The following TRHDE variants were observed in gnomAD, a reference collection of about 807,000 sequenced individuals.
The protein encoded by TRHDE is thyrotropin releasing hormone degrading enzyme, also known as thyrotropin-releasing hormone-degrading ectoenzyme.
In TRHDE, 72 loss-of-function variants were observed where a neutral mutation model predicts 125.7. That is an observed-to-expected ratio of 0.57 (90% CI 0.47 to 0.70). The LOEUF (loss-of-function observed/expected upper bound fraction) is 0.70. Among genes scored for constraint, TRHDE ranks in the 30% least tolerant of loss-of-function variants. TRHDE has a pLI of 0.00. For missense variants in TRHDE, 1,110 were observed against 1,327.1 expected, an observed-to-expected ratio of 0.84 and a Z score of 2.54; for synonymous variants, 509 against 509.1, an observed-to-expected ratio of 1.00 and a Z score of 0.00.
intron 5 of TRHDE, among the ~76,000 whole-genome samples, chr12:72,488,014 A>T (rs1654083894): frequency 7.1e-6 from 1 of 140,580 alleles, no homozygotes; most frequent in African/African-American, 3.2e-5. Context: ...AAAATTCAAC[A>T]GATACACAAG....
intron 7 of TRHDE, among the ~76,000 whole-genome samples, chr12:72,551,975 G>C (rs147813218): frequency 6.6e-6 from 1 of 152,198 alleles, no homozygotes; most frequent in African/African-American, 2.4e-5. Flanking sequence ...AAAGGGTTAA[G>C]ACAAGAACTG....
At chr12:72,275,611 C>G (rs1384951875) in intron 1 of TRHDE, among the ~76,000 whole-genome samples, 1 of 152,316 alleles carries the variant, frequency 6.6e-6, no homozygotes, top group Non-Finnish European at 1.5e-5. Context: ...ATTACTGATA[C>G]ATCTTGCTGC....
At chr12:72,632,960 T>G (rs1455899975) in intron 15 of TRHDE, among the ~76,000 whole-genome samples, 3 of 152,052 alleles carry the variant, frequency 2.0e-5, no homozygotes, top group African/African-American at 7.2e-5. Context: ...TATGTTTTTG[T>G]GCTTTGGCAA....
At chr12:72,614,330 A>ATATATATATATT (rs531067163) in intron 12 of TRHDE, among the ~76,000 whole-genome samples, 15,663 of 129,264 alleles carry the variant, frequency 0.12, 1,225 homozygotes, top group East Asian at 0.29. Flanking sequence ...ATATATATAT[A>ATATATATATATT]TTTTTTTTTT....
At chr12:72,634,652 TC>T (rs1386913604) in intron 15 of TRHDE, among the ~76,000 whole-genome samples, 4 of 51,118 alleles carry the variant, frequency 7.8e-5, no homozygotes, top group Non-Finnish European at 1.2e-4. Flanking sequence ...CCCTCCCCCC[TC>T]CCCCCAACCC....
intron 2 of TRHDE, among the ~76,000 whole-genome samples, chr12:72,367,316 G>A (rs1021552576): frequency 3.9e-4 from 59 of 151,902 alleles, no homozygotes; most frequent in African/African-American, 1.4e-3. Context: ...ATGTCACTCT[G>A]CCTCAAACTC....
chr12:72,335,238 G>A (rs570887213), intron 2 of TRHDE, among the ~76,000 whole-genome samples: 1 of 152,228 alleles, frequency 6.6e-6, no homozygotes, highest in East Asian at 1.9e-4. Flanking sequence ...GCTCTTGGGG[G>A]TAAATTCTAG....
At chr12:72,517,661 T>C (rs1397640804) in intron 6 of TRHDE, among the ~76,000 whole-genome samples, 1 of 152,016 alleles carries the variant, frequency 6.6e-6, no homozygotes, top group Non-Finnish European at 1.5e-5. Flanking sequence ...CTGCTCTGAT[T>C]TTAGTTATTT....
chr12:72,234,383 G>C (rs1047517418), intron 2 of TRHDE, among the ~76,000 whole-genome samples: 1 of 152,026 alleles, frequency 6.6e-6, no homozygotes, highest in African/African-American at 2.4e-5. Context: ...TCTCAGTCAA[G>C]CAGGGAAATT....
At chr12:72,300,251 A>G (rs1054887905) in intron 2 of TRHDE, among the ~76,000 whole-genome samples, 2 of 151,902 alleles carry the variant, frequency 1.3e-5, no homozygotes, top group Non-Finnish European at 2.9e-5. Flanking sequence ...GTGCTAATAT[A>G]TTTATGTTGT....
chr12:72,533,903 G>T (rs73348403), intron 6 of TRHDE, among the ~76,000 whole-genome samples: 1 of 150,954 alleles, frequency 6.6e-6, no homozygotes, highest in African/African-American at 2.4e-5. Context: ...ATACTTTTTG[G>T]TCTCATATTA....
At position 72,597,740 on chromosome 12, in the gene TRHDE, T is replaced by C. The variant is rs1242281586; in HGVS notation, c.2322-21151T>C. On this transcript the variant is annotated intron_variant, in intron 12 of 18. Coordinates refer to ENST00000261180, the MANE Select transcript of TRHDE (RefSeq NM_013381.3). ...ATATATATATATATATATATATATA[T>C]ATATATATATATATATATGCATACA... Among the ~76,000 whole-genome samples the C allele has an allele frequency of 5.3e-3, 44 of 8,366 alleles. 1 individual carries two copies. The highest frequency in any genetic ancestry group is 0.03 in the Admixed American group (14 of 474). The allele number at this position is 8,366 out of a possible 152,430, so 5.5% of individuals were successfully genotyped here. A position where few individuals can be genotyped will look rare whatever the true frequency, so the allele number is the denominator to read the frequency against.
chr12:72,184,290 A>G (rs1183434626), intron 2 of TRHDE, among the ~76,000 whole-genome samples: 1 of 152,054 alleles, frequency 6.6e-6, no homozygotes, highest in Non-Finnish European at 1.5e-5. Context: ...TTTTCTTGCA[A>G]TCCATTGGTG....
chr12:72,581,465 C>A (rs1032662471), intron 12 of TRHDE, among the ~76,000 whole-genome samples: 1 of 152,148 alleles, frequency 6.6e-6, no homozygotes, highest in Non-Finnish European at 1.5e-5. Context: ...TCATCATCAT[C>A]ATAAATATCA....
chr12:72,174,205 G>T (rs1876939654), intron 2 of TRHDE, among the ~76,000 whole-genome samples: 1 of 152,082 alleles, frequency 6.6e-6, no homozygotes, highest in African/African-American at 2.4e-5. Context: ...CATCCTCTTT[G>T]TCAACATCAA....
rs546086970 is a variant in TRHDE at position 72,274,101 on chromosome 12, C to T, written c.914+544C>T. Reference sequence around the variant, plus strand: ...GATGGGCTTTGGCTGCGTCAAGTTTCCCCAAACTTCAAGTTGAGATTCGGA... The same window carrying T: ...GATGGGCTTTGGCTGCGTCAAGTTTTCCCAAACTTCAAGTTGAGATTCGGA... On this transcript the variant is annotated intron_variant, in intron 1 of 18. Coordinates refer to ENST00000261180, the MANE Select transcript of TRHDE (RefSeq NM_013381.3). Among the ~76,000 whole-genome samples, 3 of 152,284 alleles carry T rather than the reference C, an allele frequency of 2.0e-5. No homozygotes were observed. The East Asian group carries it at 5.8e-4, about 29-fold the overall frequency.
chr12:72,287,769 T>C (rs1198265675), intron 2 of TRHDE, among the ~76,000 whole-genome samples: 1 of 152,168 alleles, frequency 6.6e-6, no homozygotes, highest in Non-Finnish European at 1.5e-5. Flanking sequence ...TTCTCTTTGA[T>C]GGCTATCATT....
rs76891851 is a variant in TRHDE, at chr12:72,554,796, A to G, written c.1789-7369A>G. On this transcript the variant is annotated intron_variant, in intron 7 of 18. Coordinates refer to ENST00000261180, the MANE Select transcript of TRHDE (RefSeq NM_013381.3). The stretch of plus-strand genomic sequence containing the variant: ...AGAGGTAGAAATATTTTAGAACCCC[A>G]GAACTCCTCTATAGACTATGACACT... Among the ~76,000 whole-genome samples, 837 of 152,320 alleles carry G rather than the reference A, an allele frequency of 5.5e-3. 12 individuals are homozygous for G. The highest frequency in any genetic ancestry group is 0.018 in the African/African-American group (761 of 41,572).
intron 2 of TRHDE, among the ~76,000 whole-genome samples, chr12:72,181,083 G>C (rs985636025): frequency 2.0e-5 from 3 of 152,126 alleles, no homozygotes; most frequent in Admixed American, 1.3e-4. Context: ...ACTGAGAATG[G>C]ATGACTTATT....
Sources: gnomAD v4.1 joint callset for allele counts (sites outside exome capture counted in the v4.1 genomes callset) on GRCh38, gnomAD v4.1.1 for gene constraint, MANE v1.5 for transcripts, NCBI Gene and HGNC (gene_info 2026-07-23, HGNC 2026-07-21) for gene names.